The following SERPINF2 variants were observed in gnomAD, a reference collection of about 807,000 sequenced individuals.
The protein encoded by SERPINF2 is serpin family F member 2.
In SERPINF2, 15 loss-of-function variants were observed where a neutral mutation model predicts 45.0. That is an observed-to-expected ratio of 0.33 (90% CI 0.22 to 0.51). SERPINF2 has a LOEUF of 0.51. Among genes scored for constraint, SERPINF2 ranks in the 20% least tolerant of loss-of-function variants. The pLI, the probability that SERPINF2 is intolerant of heterozygous loss-of-function variation, is 0.97. For synonymous variants in SERPINF2, 283 were observed against 277.9 expected (o/e 1.02, Z -0.18); for missense variants, 518 against 637.4 (o/e 0.81, Z 2.02).
chr17:1,754,567 C>T lies in SERPINF2; in HGVS notation c.*33C>T, dbSNP rs780872308. 2 of 1,594,900 alleles carry T rather than the reference C, an allele frequency of 1.3e-6. No individual in the cohort carries two copies. Among genetic ancestry groups the T allele is most frequent in the South Asian group, 2.2e-5 (2 of 90,068 alleles). On this transcript the variant is annotated 3_prime_UTR_variant, in exon 10 of 10. Coordinates refer to ENST00000453066, the MANE Select transcript of SERPINF2 (RefSeq NM_000934.4). ...TGGCTGTGGCATCCAGAGTCCCTGC[C>T]TGGACCAGCCTCTCCACTCATGTGA...
chr17:1,747,326 G>T lies in SERPINF2; in HGVS notation c.529G>T (p.Asp177Tyr). 1 of 1,614,042 alleles carries T rather than the reference G, an allele frequency of 6.2e-7. No individual in the cohort carries two copies. Among genetic ancestry groups the T allele is most frequent in the Admixed American group, 1.7e-5 (1 of 60,024 alleles). Residue 177 changes from aspartate (D) to tyrosine (Y), a missense_variant, in exon 7 of 10, where the codon GAT becomes TAT. This residue lies in a region of SERPINF2 where 435 missense variants were observed against 577.3 expected (regional missense o/e 0.75). Transcript: ENST00000453066. ...CCGTGCAGGATTTCCCATCAAAGAA[G>T]ATTTCCTGGAACAATCCGAACAGCT... ...YLQKGFPIKE[D>Y]FLEQSEQLFG...
In SERPINF2 at chr17:1,745,985, G is replaced by A. The variant is rs921843065; in HGVS notation, c.367+76G>A. On this transcript the variant is annotated intron_variant, in intron 5 of 9. Transcript: ENST00000453066. This position sits in a 1 kb window ranked among gnomAD's most constrained non-coding sequence, Gnocchi z 6.2. ...ACTCAGTACTCCAATGGTTCTCCGC[G>A]GGCGGTTCCTCCACCAGGGTCACGT... 57 of 1,512,174 alleles carry A rather than the reference G, an allele frequency of 3.8e-5. No homozygotes were observed. In the East Asian group the frequency reaches 3.8e-4, roughly 10 times the overall value. 93.7% of individuals were successfully genotyped at this position (1,512,174 alleles called of 1,614,324 possible). A position where few individuals can be genotyped will look rare whatever the true frequency, so the allele number is the denominator to read the frequency against.
chr17:1,754,606 G>A lies in SERPINF2; in HGVS notation c.*72G>A. The A allele has an allele frequency of 1.3e-6, 2 of 1,550,932 alleles. No homozygotes were observed. The highest frequency in any genetic ancestry group is 1.7e-6 in the Non-Finnish European group (2 of 1,156,486). ...CCACTCATGTGACTCTTTCCAACCG[G>A]CTTTGTGGCACTGGGGCAGGGGCCG... On this transcript the variant is annotated 3_prime_UTR_variant, in exon 10 of 10. Coordinates refer to ENST00000453066, the MANE Select transcript of SERPINF2 (RefSeq NM_000934.4).
intron 1 of SERPINF2, 39 bp from the exon 2 acceptor site, chr17:1,744,953 G>T: frequency 1.9e-6 from 3 of 1,613,078 alleles, no homozygotes; most frequent in Non-Finnish European, 2.5e-6. Flanking sequence ...CGGGCGTGGG[G>T]ATGTGAGATG....
chr17:1,754,336 T>C lies in SERPINF2; in HGVS notation c.1278T>C (p.Leu426=). ...TCATCTTCGAGGACACCACAGGCCT[T>C]CCCCTCTTCGTGGGCAGCGTGAGGA... ...LFFIFEDTTG[L]PLFVGSVRNP... is the part of the protein sequence containing the mutation. The change falls in exon 10 of 10, where the codon CTT becomes CTC. Residue 426 remains leucine (L), a synonymous_variant. Transcript: ENST00000453066. 1 of 1,614,056 alleles carries C rather than the reference T, an allele frequency of 6.2e-7. No individual in the cohort carries two copies. The highest frequency in any genetic ancestry group is 8.5e-7 in the Non-Finnish European group (1 of 1,179,996).
At chr17:1,743,207 T>A in intron 1 of SERPINF2, 1 of 655,374 alleles carries the variant, frequency 1.5e-6, no homozygotes, top group Non-Finnish European at 1.9e-6. Context: ...TGCTCTGACT[T>A]ATCCTCCTGA....
intron 5 of SERPINF2, among the ~76,000 whole-genome samples, chr17:1,746,709 G>A (rs188564099): frequency 6.6e-6 from 1 of 152,122 alleles, no homozygotes; most frequent in Non-Finnish European, 1.5e-5. Context: ...TTACAGGCGT[G>A]AGCCACCGCG....
chr17:1,746,322 A>G (rs544719440), intron 5 of SERPINF2, among the ~76,000 whole-genome samples: 7 of 152,144 alleles, frequency 4.6e-5, no homozygotes, highest in Admixed American at 2.6e-4. Context: ...GTCTCAAACA[A>G]CAACAACAAC....
At position 1,754,664 on chromosome 17, in the gene SERPINF2, C is replaced by G; in HGVS notation, c.*130C>G. The G allele has an allele frequency of 1.5e-6, 1 of 658,614 alleles. No homozygotes were observed. The highest frequency in any genetic ancestry group is 2.4e-6 in the Non-Finnish European group (1 of 425,224). The allele number at this position is 658,614 out of a possible 1,614,324, so 40.8% of individuals were successfully genotyped here. ...TCTGAGAGAGGCCATTCTTTCCCAA[C>G]ACCTCTTGGGGAGTTTAGGGTGGGG... On this transcript the variant is annotated 3_prime_UTR_variant, in exon 10 of 10. Coordinates refer to ENST00000453066, the MANE Select transcript of SERPINF2 (RefSeq NM_000934.4).
At chr17:1,748,784 TGGGGAA>T in intron 8 of SERPINF2, 44 bp downstream of exon 8, 1 of 1,025,120 alleles carries the variant, frequency 9.8e-7, no homozygotes, top group East Asian at 2.4e-5. Context: ...GGCTGGGAGG[TGGGGAA>T]GGGAGTGGAC....
In SERPINF2 at chr17:1,742,871, A is replaced by T. The variant is rs1350181130; in HGVS notation, c.-42A>T. On this transcript the variant is annotated 5_prime_UTR_variant, in exon 1 of 10. Coordinates refer to ENST00000453066, the MANE Select transcript of SERPINF2 (RefSeq NM_000934.4). ...GAGTGAGGAGCACCCAAGTGGGGCC[A>T]GAGGAACGTTGTGTGTGGCAGCAAG... 1 of 985,116 alleles carries T rather than the reference A, an allele frequency of 1.0e-6. No homozygotes were observed. Among genetic ancestry groups the T allele is most frequent in the Non-Finnish European group, 1.2e-6 (1 of 830,064 alleles). The allele number at this position is 985,116 out of a possible 1,614,324, so 61.0% of individuals were successfully genotyped here. A position where few individuals can be genotyped will look rare whatever the true frequency, so the allele number is the denominator to read the frequency against.
At chr17:1,753,414 T>C (rs1906561252) in intron 9 of SERPINF2, among the ~76,000 whole-genome samples, 2 of 152,104 alleles carry the variant, frequency 1.3e-5, no homozygotes, top group Non-Finnish European at 2.9e-5. Flanking sequence ...AGGCCGGGCA[T>C]GGTGGCTCAC....
At chr17:1,751,684 G>A (rs1567743069) in intron 8 of SERPINF2, among the ~76,000 whole-genome samples, 1 of 138,550 alleles carries the variant, frequency 7.2e-6, no homozygotes, top group Non-Finnish European at 1.6e-5. Flanking sequence ...AATCCACGAG[G>A]CGGAGGTTGC....
rs1388289434 is a variant in SERPINF2 at position 1,747,307 on chromosome 17, A to G, written c.512-2A>G. ...GGAACAGCTTGTGCTGCCTCCGTGC[A>G]GGATTTCCCATCAAAGAAGATTTCC... On this transcript the variant is annotated splice_acceptor_variant, in intron 6 of 9. Coordinates refer to ENST00000453066, the MANE Select transcript of SERPINF2 (RefSeq NM_000934.4). LOFTEE classifies it high-confidence loss of function. 1 of 1,613,698 alleles carries G rather than the reference A, an allele frequency of 6.2e-7. No homozygotes were observed. The highest frequency in any genetic ancestry group is 8.5e-7 in the Non-Finnish European group (1 of 1,180,034).
chr17:1,751,241 G>T (rs1457260426), intron 8 of SERPINF2, among the ~76,000 whole-genome samples: 2 of 152,062 alleles, frequency 1.3e-5, no homozygotes, highest in Non-Finnish European at 2.9e-5. Flanking sequence ...CTGAGGTCTG[G>T]AGTTTGAGAC....
At chr17:1,744,095 A>T (rs1031090020) in intron 1 of SERPINF2, among the ~76,000 whole-genome samples, 4 of 151,446 alleles carry the variant, frequency 2.6e-5, no homozygotes, top group Non-Finnish European at 4.4e-5. Flanking sequence ...GGGTTTTACC[A>T]TGTTGGCCAG....
rs1176721921 is a variant in SERPINF2 at position 1,745,083 on chromosome 17, G to A, written c.63+25G>A. On this transcript the variant is annotated intron_variant, in intron 2 of 9. Transcript: ENST00000453066. This position sits in a 1 kb window ranked among gnomAD's most constrained non-coding sequence, Gnocchi z 6.2. ...GGTGAGGCTGGGCTGAAGTCAAGGT[G>A]GGGTGGGGTGGAGGGGGAAGAAGAG... 1 of 1,611,542 alleles carries A rather than the reference G, an allele frequency of 6.2e-7. No individual in the cohort carries two copies. The highest frequency in any genetic ancestry group is 8.5e-7 in the Non-Finnish European group (1 of 1,179,724).
rs745778434 is a variant in SERPINF2, at chr17:1,754,459, C to G, written c.1401C>G (p.Asp467Glu). ...LQSLKGFPRG[D>E]KLFGPDLKLV... is the part of the protein sequence containing the mutation. ...GCCTGAAAGGCTTCCCCCGCGGAGA[C>G]AAGCTTTTCGGCCCTGACTTAAAAC... The change falls in exon 10 of 10, where the codon GAC becomes GAG. Residue 467 changes from aspartate to glutamate, a missense_variant. By Grantham distance (45) the Asp-to-Glu change is conservative. Transcript: ENST00000453066. 5 of 1,607,954 alleles carry G rather than the reference C, an allele frequency of 3.1e-6. No individual in the cohort carries two copies. The Middle Eastern group carries it at 5.0e-4, about 160-fold the overall frequency.
In SERPINF2 at chr17:1,745,884, C is replaced by T; in HGVS notation, c.342C>T (p.Ala114=). The T allele has an allele frequency of 6.2e-7, 1 of 1,614,028 alleles. No individual in the cohort carries two copies. The highest frequency in any genetic ancestry group is 8.5e-7 in the Non-Finnish European group (1 of 1,180,010). The change falls in exon 5 of 10, where the codon GCC becomes GCT. Residue 114 remains alanine, a synonymous_variant. Coordinates refer to ENST00000453066, the MANE Select transcript of SERPINF2 (RefSeq NM_000934.4). This position sits in a 1 kb window ranked among gnomAD's most constrained non-coding sequence, Gnocchi z 6.2. Reference sequence around the variant, plus strand: ...TCATCCTGTCACCCCTGAGTGTGGCCCTGGCGCTGTCTCACCTGGCACTAG... The same window carrying T: ...TCATCCTGTCACCCCTGAGTGTGGCTCTGGCGCTGTCTCACCTGGCACTAG... ...PNLILSPLSV[A]LALSHLALGA...
Sources: allele counts gnomAD v4.1 joint callset (sites outside exome capture counted in the v4.1 genomes callset), GRCh38; gene constraint gnomAD v4.1.1; regional missense constraint gnomAD v4.1.1; non-coding constraint Gnocchi (gnomAD v3.1); transcripts MANE v1.5; gene names NCBI Gene and HGNC (gene_info 2026-07-23, HGNC 2026-07-21).